The following OSBPL3 variants were observed in gnomAD, a reference collection of about 807,000 sequenced individuals.
OSBPL3 encodes the protein oxysterol-binding protein-related protein 3.
OSBPL3 carries 65 observed loss-of-function variants against 120.1 expected under a neutral mutation model. The ratio of observed to expected loss-of-function variants is 0.54; its 90% confidence interval spans 0.44 to 0.67. The LOEUF (loss-of-function observed/expected upper bound fraction) is 0.67, where lower values mean the gene tolerates loss of function less well. Among genes scored for constraint, OSBPL3 ranks in the 30% least tolerant of loss-of-function variants. The pLI is 0.00. For synonymous variants in OSBPL3, 416 were observed against 402.6 expected (o/e 1.03, Z -0.40); for missense variants, 1,004 against 1,082.1 (o/e 0.93, Z 1.01).
intron 1 of OSBPL3, among the ~76,000 whole-genome samples, chr7:24,906,792 A>C (rs2128402077): frequency 6.6e-6 from 1 of 152,170 alleles, no homozygotes; most frequent in South Asian, 2.1e-4. Context: ...GGCAGTCACC[A>C]AAGTTTTGTC....
chr7:24,960,923 C>T (rs1278506980), intron 1 of OSBPL3, among the ~76,000 whole-genome samples: 1 of 152,182 alleles, frequency 6.6e-6, no homozygotes, highest in African/African-American at 2.4e-5. Flanking sequence ...ACCTTGCCCA[C>T]CTTCGGGAAG....
intron 1 of OSBPL3, among the ~76,000 whole-genome samples, chr7:24,921,085 G>T (rs977473687): frequency 1.3e-5 from 2 of 152,058 alleles, no homozygotes; most frequent in African/African-American, 4.8e-5. Context: ...AATCTTTACA[G>T]AATGACTAAA....
At chr7:24,971,508 C>A (rs1817022151) in intron 1 of OSBPL3, among the ~76,000 whole-genome samples, 1 of 152,190 alleles carries the variant, frequency 6.6e-6, no homozygotes, top group South Asian at 2.1e-4. Flanking sequence ...ATGACCCTCC[C>A]ACACCCAGAG....
At chr7:24,853,453 C>G (rs556904936) in intron 10 of OSBPL3, among the ~76,000 whole-genome samples, 1 of 152,210 alleles carries the variant, frequency 6.6e-6, no homozygotes, top group Non-Finnish European at 1.5e-5. Context: ...TCAAAAGTGT[C>G]AATTTGACGA....
intron 2 of OSBPL3, among the ~76,000 whole-genome samples, chr7:24,890,064 T>C (rs1206791162): frequency 6.6e-6 from 1 of 152,156 alleles, no homozygotes; most frequent in Non-Finnish European, 1.5e-5. Flanking sequence ...AAACAATCTC[T>C]AGATGAAGCT....
intron 1 of OSBPL3, 49 bp downstream of exon 1, chr7:24,979,837 A>C: frequency 1.0e-6 from 1 of 962,378 alleles, no homozygotes; most frequent in Non-Finnish European, 1.2e-6. Flanking sequence ...CGCCGCCGCC[A>C]GGCCCCCCGA....
intron 1 of OSBPL3, among the ~76,000 whole-genome samples, chr7:24,908,767 G>A (rs546965243): frequency 6.6e-6 from 1 of 152,286 alleles, no homozygotes; most frequent in South Asian, 2.1e-4. Context: ...CTCCTCCTCT[G>A]TTATTGGTCT....
rs1805817760 is a variant in OSBPL3 at position 24,894,388 on chromosome 7, A to T, written c.-149-1767T>A. Among the ~76,000 whole-genome samples the T allele has an allele frequency of 6.6e-6, 1 of 152,240 alleles. No homozygotes were observed. Among genetic ancestry groups the T allele is most frequent in the Non-Finnish European group, 1.5e-5 (1 of 68,040 alleles). On this transcript the variant is annotated intron_variant, in intron 1 of 22. Coordinates refer to ENST00000313367, the MANE Select transcript of OSBPL3 (RefSeq NM_015550.4). The surrounding 1 kb of genome is among the most constrained non-coding windows in gnomAD (Gnocchi z 4.1). ...TAAAATTAGCCTTACTGATGGGGGC[A>T]TGACTAGGTGTACCTGAAGTTAGAA...
At chr7:24,981,840 G>T (rs1818400074), upstream of OSBPL3, among the ~76,000 whole-genome samples, 1 of 152,208 alleles carries the variant, frequency 6.6e-6, no homozygotes. This position sits in a 1 kb window ranked among gnomAD's most constrained non-coding sequence, Gnocchi z 7.3. Context: ...GTGGAAGGAC[G>T]CGTCTGGCAG....
Position 24,835,788 on chromosome 7 carries a change from T to C in OSBPL3, c.1496-1052A>G, listed in dbSNP as rs1174479915. 2.6e-5 allele frequency among the ~76,000 whole-genome samples: 4 copies of C among 152,012 alleles called. No individual in the cohort carries two copies. The East Asian group carries it at 7.7e-4, about 29-fold the overall frequency. On this transcript the variant is annotated intron_variant, in intron 14 of 22. Transcript: ENST00000313367. This position sits in a 1 kb window ranked among gnomAD's most constrained non-coding sequence, Gnocchi z 4.8. ...GCAACATAGATGGAGCTGGAGGCCG[T>C]TAACTAAGCAAACTAACACAGGAAG...
intron 1 of OSBPL3, among the ~76,000 whole-genome samples, chr7:24,944,076 TAAA>T (rs70942898): frequency 0.28 from 33,188 of 118,660 alleles, 4,515 homozygotes; most frequent in Non-Finnish European, 0.37. Context: ...CAGTCTAAAG[TAAA>T]AAAAAAAAAA....
rs1024713046 is a variant in OSBPL3 at position 24,872,937 on chromosome 7, T to C, written c.97-868A>G. On this transcript the variant is annotated intron_variant, in intron 2 of 22. Coordinates refer to ENST00000313367, the MANE Select transcript of OSBPL3 (RefSeq NM_015550.4). This position sits in a 1 kb window ranked among gnomAD's most constrained non-coding sequence, Gnocchi z 4.1. ...ATACTTCAGTGACTGGGAGAATTTA[T>C]TTTTATTATTATTTTTACATTTTTA... 6.6e-6 allele frequency among the ~76,000 whole-genome samples: 1 copy of C among 152,168 alleles called. No individual in the cohort carries two copies. Among genetic ancestry groups the C allele is most frequent in the Non-Finnish European group, 1.5e-5 (1 of 68,028 alleles).
At chr7:24,945,344 AAC>A (rs1207819484) in intron 1 of OSBPL3, among the ~76,000 whole-genome samples, 1 of 152,188 alleles carries the variant, frequency 6.6e-6, no homozygotes, top group Non-Finnish European at 1.5e-5. Flanking sequence ...CTGACCACCT[AAC>A]ACAGTGTCCT....
chr7:24,926,455 C>G (rs559669625), intron 1 of OSBPL3, among the ~76,000 whole-genome samples: 1 of 152,156 alleles, frequency 6.6e-6, no homozygotes, highest in African/African-American at 2.4e-5. Flanking sequence ...GAAATGCATA[C>G]GATTGAGGAC....
rs1802308690 is a variant in OSBPL3, at chr7:24,872,510, T to C, written c.97-441A>G. On this transcript the variant is annotated intron_variant, in intron 2 of 22. Transcript: ENST00000313367. This position sits in a 1 kb window ranked among gnomAD's most constrained non-coding sequence, Gnocchi z 4.1. ...GTGGTGTTGGGGGAAGGAAGTTGGT[T>C]TAAGAATTGGCTGAACAGTATGAGA... Among the ~76,000 whole-genome samples, 1 of 149,184 alleles carries C rather than the reference T, an allele frequency of 6.7e-6. No individual in the cohort carries two copies. The highest frequency in any genetic ancestry group is 1.5e-5 in the Non-Finnish European group (1 of 67,534).
In OSBPL3 at chr7:24,871,672, C is replaced by G; in HGVS notation, c.267+70G>C. On this transcript the variant is annotated intron_variant, in intron 4 of 22. Coordinates refer to ENST00000313367, the MANE Select transcript of OSBPL3 (RefSeq NM_015550.4). This position sits in a 1 kb window ranked among gnomAD's most constrained non-coding sequence, Gnocchi z 4.8. ...AAAGCTATCCTCAACTATACACACT[C>G]TCATCTCTGAGCTGATGGTTACCCC... 8.9e-7 allele frequency: 1 copy of G among 1,117,352 alleles called. No individual in the cohort carries two copies. Among genetic ancestry groups the G allele is most frequent in the African/African-American group, 1.5e-5 (1 of 64,556 alleles). The allele number at this position is 1,117,352 out of a possible 1,614,324, so 69.2% of individuals were successfully genotyped here. A position where few individuals can be genotyped will look rare whatever the true frequency, so the allele number is the denominator to read the frequency against.
In OSBPL3 at chr7:24,822,796, A is replaced by T. The variant is rs147671898; in HGVS notation, c.1885-2558T>A. Among the ~76,000 whole-genome samples the T allele has an allele frequency of 1.9e-3, 285 of 152,350 alleles. 1 individual carries two copies. The highest frequency in any genetic ancestry group is 3.2e-3 in the Non-Finnish European group (215 of 68,034). On this transcript the variant is annotated intron_variant, in intron 16 of 22. Coordinates refer to ENST00000313367, the MANE Select transcript of OSBPL3 (RefSeq NM_015550.4). This position sits in a 1 kb window ranked among gnomAD's most constrained non-coding sequence, Gnocchi z 5.8. Reference sequence around the variant, plus strand: ...AAGAGAACCCCTACAGTATACACACATCTCATAAAAACCCAACCTTGATTT... The same window carrying T: ...AAGAGAACCCCTACAGTATACACACTTCTCATAAAAACCCAACCTTGATTT...
intron 12 of OSBPL3, among the ~76,000 whole-genome samples, chr7:24,847,528 G>C (rs1384489559): frequency 6.6e-6 from 1 of 152,114 alleles, no homozygotes; most frequent in Non-Finnish European, 1.5e-5. Context: ...TTTAAAATAT[G>C]CATTTTAAAT....
At position 24,953,712 on chromosome 7, in the gene OSBPL3, G is replaced by A. The variant is rs941560845; in HGVS notation, c.-150+26174C>T. Among the ~76,000 whole-genome samples the A allele has an allele frequency of 6.6e-6, 1 of 152,158 alleles. No individual in the cohort carries two copies. Among genetic ancestry groups the A allele is most frequent in the Admixed American group, 6.5e-5 (1 of 15,284 alleles). On this transcript the variant is annotated intron_variant, in intron 1 of 22. Coordinates refer to ENST00000313367, the MANE Select transcript of OSBPL3 (RefSeq NM_015550.4). The surrounding 1 kb of genome is among the most constrained non-coding windows in gnomAD (Gnocchi z 4.3). The stretch of plus-strand genomic sequence containing the variant: ...GTACAGTAGGTGCCCAGTAAACGCT[G>A]AACAAATGAATGAAAATAGAACTCC...
Sources: gnomAD v4.1 joint callset for allele counts (sites outside exome capture counted in the v4.1 genomes callset) on GRCh38, gnomAD v4.1.1 for gene constraint, Gnocchi (gnomAD v3.1) non-coding constraint, MANE v1.5 for transcripts, NCBI Gene and HGNC (gene_info 2026-07-23, HGNC 2026-07-21) for gene names.